The following ZFP82 variants were observed in gnomAD, a reference collection of about 807,000 sequenced individuals.
ZFP82 encodes ZFP82 zinc finger protein, also known as zinc finger protein 82 homolog.
Under a neutral mutation model 54.0 loss-of-function variants are expected in ZFP82, and 30 were observed. That is an observed-to-expected ratio of 0.56 (90% CI 0.42 to 0.75). The LOEUF is 0.75. Among genes scored for constraint, ZFP82 ranks in the 30% least tolerant of loss-of-function variants. The pLI is 0.00. For synonymous variants in ZFP82, 194 were observed against 209.5 expected (o/e 0.93, Z 0.64); for missense variants, 500 against 636.8 (o/e 0.79, Z 2.31).
chr19:36,402,498 A>G (rs2032405988), intron 4 of ZFP82, among the ~76,000 whole-genome samples: 1 of 148,086 alleles, frequency 6.8e-6, no homozygotes, highest in African/African-American at 2.5e-5. Flanking sequence ...GATTAGGGAT[A>G]AGAGGGAAAA....
intron 4 of ZFP82, among the ~76,000 whole-genome samples, chr19:36,405,089 CAGG>C (rs2032457131): frequency 6.7e-6 from 1 of 150,048 alleles, no homozygotes; most frequent in African/African-American, 2.5e-5. Flanking sequence ...AAGGCTGAGG[CAGG>C]AGAATTGCCT....
intron 1 of ZFP82, among the ~76,000 whole-genome samples, chr19:36,410,739 G>T (rs2145598032): frequency 6.6e-6 from 1 of 151,804 alleles, no homozygotes; most frequent in Non-Finnish European, 1.5e-5. Flanking sequence ...CTGACTTCAT[G>T]ATCCGCCCGC....
chr19:36,410,500 GTTC>G (rs1446468152), intron 1 of ZFP82, among the ~76,000 whole-genome samples: 1 of 151,638 alleles, frequency 6.6e-6, no homozygotes, highest in Non-Finnish European at 1.5e-5. Flanking sequence ...GCTGTTGTTT[GTTC>G]TTGTTTTTGT....
intron 4 of ZFP82, among the ~76,000 whole-genome samples, chr19:36,398,105 C>T (rs770829408): frequency 7.9e-5 from 12 of 152,118 alleles, no homozygotes; most frequent in Non-Finnish European, 1.8e-4. Context: ...TCAGGACTTC[C>T]AAACTGTTTT....
At chr19:36,401,060 CTT>C (rs3086001) in intron 4 of ZFP82, among the ~76,000 whole-genome samples, 4,666 of 146,616 alleles carry the variant, frequency 0.032, 216 homozygotes, top group African/African-American at 0.11. Context: ...GCTGCCCCTT[CTT>C]TTTTTTTTTT....
chr19:36,395,299 G>A (rs999689055), intron 4 of ZFP82: 1 of 152,170 alleles, frequency 6.6e-6, no homozygotes, highest in Admixed American at 6.5e-5. Context: ...TTTGACAAAT[G>A]TTCAACTGGT....
At position 36,393,830 on chromosome 19, in the gene ZFP82, A is replaced by G. The variant is rs1209733116; in HGVS notation, c.510T>C (p.Tyr170=). ...HQRLHFVDKP[Y]ECKECGKAFR... ...ACGCCTTCCCACATTCCTTACATTC[A>G]TAGGGTTTATCAACAAAATGAAGTC... Residue 170 remains tyrosine, a synonymous_variant, in exon 5 of 5, where the codon TAT becomes TAC. Transcript: ENST00000392161. The G allele has an allele frequency of 1.9e-6, 3 of 1,614,074 alleles. No homozygotes were observed. The highest frequency in any genetic ancestry group is 2.7e-5 in the African/African-American group (2 of 74,926).
intron 4 of ZFP82, among the ~76,000 whole-genome samples, chr19:36,403,218 G>A (rs933440861): frequency 4.6e-5 from 7 of 151,270 alleles, no homozygotes; most frequent in African/African-American, 1.7e-4. Flanking sequence ...AGCTGCTCAG[G>A]AGACCGAGTC....
At chr19:36,407,801 T>A in intron 3 of ZFP82, 86 bp downstream of exon 3, 1 of 1,457,798 alleles carries the variant, frequency 6.9e-7, no homozygotes, top group African/African-American at 1.4e-5. Context: ...TTAGATAGCT[T>A]CCTAAAAGAT....
chr19:36,399,739 T>G (rs79595654), intron 4 of ZFP82, among the ~76,000 whole-genome samples: 26 of 152,290 alleles, frequency 1.7e-4, no homozygotes, highest in African/African-American at 6.3e-4. Context: ...ATTGAACATT[T>G]TGGAAAACTG....
chr19:36,395,273 T>C (rs527803877), intron 4 of ZFP82: 1 of 152,356 alleles, frequency 6.6e-6, no homozygotes, highest in Non-Finnish European at 1.5e-5. Context: ...CTTCAACTTA[T>C]TCTATTACTC....
At chr19:36,401,307 T>A (rs917465471) in intron 4 of ZFP82, among the ~76,000 whole-genome samples, 3 of 152,194 alleles carry the variant, frequency 2.0e-5, no homozygotes, top group Non-Finnish European at 4.4e-5. Context: ...CTACGCAACA[T>A]CTCAAACTGG....
chr19:36,384,529 A>AT (rs1445943701), downstream of ZFP82: 2 of 152,208 alleles, frequency 1.3e-5, no homozygotes, highest in Non-Finnish European at 2.9e-5. Context: ...ATAAAACTCC[A>AT]TTTTCTTTCA....
At chr19:36,406,851 C>T (rs1449456983) in intron 3 of ZFP82, among the ~76,000 whole-genome samples, 1 of 152,044 alleles carries the variant, frequency 6.6e-6, no homozygotes, top group African/African-American at 2.4e-5. Context: ...TTATAGGCTA[C>T]AATGTGATGT....
rs1014265836 is a variant in ZFP82 at position 36,393,376 on chromosome 19, C to T, written c.964G>A (p.Gly322Ser). The change falls in exon 5 of 5, where the codon GGC becomes AGC. Residue 322 changes from glycine (G) to serine (S), a missense_variant. By Grantham distance (56) the Gly-to-Ser change is moderately conservative. Coordinates refer to ENST00000392161, the MANE Select transcript of ZFP82 (RefSeq NM_133466.4). ...CKECGKAFLC[G>S]SGLRVHHKLH... ...TTGTGATGTACTCTAAGACCAGAGC[C>T]ACACAAAAAGGCCTTCCCACATTCT... 2 of 1,613,710 alleles carry T rather than the reference C, an allele frequency of 1.2e-6. No homozygotes were observed. The highest frequency in any genetic ancestry group is 1.7e-6 in the Non-Finnish European group (2 of 1,179,928).
At chr19:36,415,394 CT>C (rs34172308) in intron 1 of ZFP82, among the ~76,000 whole-genome samples, 8 of 148,962 alleles carry the variant, frequency 5.4e-5, no homozygotes, top group East Asian at 2.0e-4. Context: ...CCAGGACTTT[CT>C]TTTTTTTTTG....
intron 4 of ZFP82, among the ~76,000 whole-genome samples, chr19:36,398,199 T>C: frequency 6.6e-6 from 1 of 152,110 alleles, no homozygotes; most frequent in East Asian, 1.9e-4. Flanking sequence ...AAATTCTAAA[T>C]ATCTAATAAA....
Position 36,393,015 on chromosome 19 carries a change from C to T in ZFP82, c.1325G>A (p.Ser442Asn). The change falls in exon 5 of 5, where the codon AGT becomes AAT. Residue 442 changes from serine to asparagine, a missense_variant. Physicochemically the swap from Ser to Asn is conservative, Grantham distance 46. Transcript: ENST00000392161. ...ATAAGGTTTCTCACCAATATGAATA[C>T]TCTGATGCTGTGTGAGTTGTGAAAG... The part of the protein sequence containing the change: ...RLLSQLTQHQ[S>N]IHIGEKPYKC... 6.2e-7 allele frequency: 1 copy of T among 1,614,166 alleles called. No homozygotes were observed. The highest frequency in any genetic ancestry group is 8.5e-7 in the Non-Finnish European group (1 of 1,180,032).
At chr19:36,414,277 A>C (rs948786193) in intron 1 of ZFP82, among the ~76,000 whole-genome samples, 1 of 151,988 alleles carries the variant, frequency 6.6e-6, no homozygotes, top group South Asian at 2.1e-4. Context: ...CCTTTCTCTA[A>C]AGGGATTTTT....
Sources: gnomAD v4.1 joint callset for allele counts (sites outside exome capture counted in the v4.1 genomes callset) on GRCh38, gnomAD v4.1.1 for gene constraint, MANE v1.5 for transcripts, NCBI Gene and HGNC (gene_info 2026-07-23, HGNC 2026-07-21) for gene names.